ZC3H3: variants seen among roughly 807,000 people sequenced by gnomAD.
ZC3H3 encodes zinc finger CCCH-type containing 3.
ZC3H3 carries 36 observed loss-of-function variants against 77.3 expected under a neutral mutation model. The observed-to-expected ratio is 0.47, with a 90% confidence interval of 0.36 to 0.61. ZC3H3 has a LOEUF of 0.61. Among genes scored for constraint, ZC3H3 ranks in the 20% least tolerant of loss-of-function variants. The pLI, the probability that ZC3H3 is intolerant of heterozygous loss-of-function variation, is 0.00. For missense variants in ZC3H3, 1,331 were observed against 1,312.2 expected, an observed-to-expected ratio of 1.01 and a Z score of -0.22; for synonymous variants, 626 against 555.2, an observed-to-expected ratio of 1.13 and a Z score of -1.79.
chr8:143,494,880 C>T lies in ZC3H3; in HGVS notation c.1715+12866G>A, dbSNP rs181419538. Among the ~76,000 whole-genome samples the T allele has an allele frequency of 1.1e-4, 16 of 152,318 alleles. No homozygotes were observed. Among genetic ancestry groups the T allele is most frequent in the African/African-American group, 3.6e-4 (15 of 41,566 alleles). The stretch of plus-strand genomic sequence containing the variant: ...CACGGGAAGACCACCAGTGGCCTTA[C>T]GTTAGCCCGAGCAGGTACTCAACAT... On this transcript the variant is annotated intron_variant, in intron 4 of 11. Transcript: ENST00000262577. The surrounding 1 kb of genome is among the most constrained non-coding windows in gnomAD (Gnocchi z 5.3).
At chr8:143,513,094 G>A (rs1164765834) in intron 3 of ZC3H3, among the ~76,000 whole-genome samples, 5 of 152,058 alleles carry the variant, frequency 3.3e-5, no homozygotes, top group African/African-American at 1.2e-4. Flanking sequence ...AGAGCTGGGG[G>A]CACTGGGAGT....
chr8:143,471,241 C>T (rs886516586), intron 5 of ZC3H3, among the ~76,000 whole-genome samples: 2 of 152,266 alleles, frequency 1.3e-5, no homozygotes, highest in Non-Finnish European at 2.9e-5. Context: ...CCACCAGGCC[C>T]TCCAGGGCAC....
intron 4 of ZC3H3, chr8:143,484,859 G>C (rs1048004939): frequency 4.4e-6 from 2 of 455,270 alleles, no homozygotes; most frequent in African/African-American, 4.0e-5. Context: ...CAGCCCCTCC[G>C]AAGACCACAC....
rs182602076 is a variant in ZC3H3, at chr8:143,455,000, G to T, written c.2307+10717C>A. Among the ~76,000 whole-genome samples, 100 of 152,090 alleles carry T rather than the reference G, an allele frequency of 6.6e-4. 1 individual carries two copies. The highest frequency in any genetic ancestry group is 2.2e-3 in the African/African-American group (93 of 41,450). On this transcript the variant is annotated intron_variant, in intron 9 of 11. Coordinates refer to ENST00000262577, the MANE Select transcript of ZC3H3 (RefSeq NM_015117.3). Reference sequence around the variant, plus strand: ...GTAAAATGCTTCCTTTAGGTAAAAAGGTCAAAGTTCTCAACTTCAGAAAAA... The same window carrying T: ...GTAAAATGCTTCCTTTAGGTAAAAATGTCAAAGTTCTCAACTTCAGAAAAA...
rs1819678753 is a variant in ZC3H3 at position 143,439,788 on chromosome 8, G to A, written c.2815+253C>T. On this transcript the variant is annotated intron_variant, in intron 11 of 11. Transcript: ENST00000262577. ...GTGGTGGTCTGAGGGGGCATTTAAA[G>A]CTCCCCTGTGCCCGAGCCCGGCCAT... 1.3e-5 allele frequency among the ~76,000 whole-genome samples: 2 copies of A among 152,228 alleles called. 1 individual carries two copies. The highest frequency in any genetic ancestry group is 4.1e-4 in the South Asian group (2 of 4,836).
At chr8:143,474,051 T>C (rs905451773) in intron 5 of ZC3H3, among the ~76,000 whole-genome samples, 7 of 151,966 alleles carry the variant, frequency 4.6e-5, no homozygotes, top group African/African-American at 1.7e-4. Flanking sequence ...CACGGCAGCA[T>C]CCCCCAGGGG....
intron 4 of ZC3H3, among the ~76,000 whole-genome samples, chr8:143,495,114 A>C (rs924822030): frequency 6.6e-6 from 1 of 152,270 alleles, no homozygotes; most frequent in Admixed American, 6.5e-5. Flanking sequence ...ACAGGTGCAC[A>C]GAAAGAGCTG....
At chr8:143,453,597 T>C (rs1389502086) in intron 9 of ZC3H3, among the ~76,000 whole-genome samples, 1 of 152,106 alleles carries the variant, frequency 6.6e-6, no homozygotes, top group African/African-American at 2.4e-5. Context: ...TCACCAGCAG[T>C]CTTACCCTAA....
At chr8:143,500,057 A>T (rs567695444) in intron 4 of ZC3H3, among the ~76,000 whole-genome samples, 1 of 151,980 alleles carries the variant, frequency 6.6e-6, no homozygotes, top group East Asian at 1.9e-4. Context: ...AAACACTCCA[A>T]ACCCTTCGTG....
rs910960262 is a variant in ZC3H3, at chr8:143,469,842, T to A, written c.1904-1183A>T. Reference sequence around the variant, plus strand: ...GTTCCTCAAATACGCGCATGATCCTTCCCAGACCAGATCCAATTTCCTACA... The same window carrying A: ...GTTCCTCAAATACGCGCATGATCCTACCCAGACCAGATCCAATTTCCTACA... On this transcript the variant is annotated intron_variant, in intron 5 of 11. Coordinates refer to ENST00000262577, the MANE Select transcript of ZC3H3 (RefSeq NM_015117.3). Among the ~76,000 whole-genome samples, 3 of 152,314 alleles carry A rather than the reference T, an allele frequency of 2.0e-5. No individual in the cohort carries two copies. The East Asian group carries it at 5.8e-4, about 29-fold the overall frequency.
intron 9 of ZC3H3, among the ~76,000 whole-genome samples, chr8:143,455,755 T>C (rs576533562): frequency 6.6e-6 from 1 of 152,002 alleles, no homozygotes; most frequent in East Asian, 1.9e-4. Context: ...GGTGGATCAT[T>C]TGAGGTCAGG....
intron 4 of ZC3H3, among the ~76,000 whole-genome samples, chr8:143,482,288 C>T (rs1304879077): frequency 6.6e-6 from 1 of 152,248 alleles, no homozygotes; most frequent in Non-Finnish European, 1.5e-5. Context: ...TGTCACAGCA[C>T]TGGGGAGGCC....
chr8:143,449,493 G>A (rs898693377), intron 9 of ZC3H3, among the ~76,000 whole-genome samples: 6 of 152,126 alleles, frequency 3.9e-5, no homozygotes, highest in East Asian at 1.9e-4. Context: ...AGGCCAAAAC[G>A]GGTGGCTCAC....
In ZC3H3 at chr8:143,438,014, G is replaced by A; in HGVS notation, c.*42C>T. ...TGGACAGAGCCTCTTTCCTCTCCAA[G>A]GATGAGGGTCTGAGGTAGGTGCAGG... is the stretch of plus-strand genomic sequence containing the variant. On this transcript the variant is annotated 3_prime_UTR_variant, in exon 12 of 12. Transcript: ENST00000262577. 6.3e-7 allele frequency: 1 copy of A among 1,599,706 alleles called. No homozygotes were observed. Among genetic ancestry groups the A allele is most frequent in the Non-Finnish European group, 8.5e-7 (1 of 1,173,344 alleles).
In ZC3H3 at chr8:143,539,100, G is replaced by C; in HGVS notation, c.267C>G (p.Asp89Glu). ...RPPGPSDPPADHAVRPLHGAR... is the reference protein window; with the variant it reads ...RPPGPSDPPAEHAVRPLHGAR... ...CCCCGTGCAACGGCCGCACAGCATG[G>C]TCGGCAGGAGGGTCTGAGGGTCCCG... The change falls in exon 2 of 12, where the codon GAC becomes GAG. Residue 89 changes from aspartate to glutamate, a missense_variant. Physicochemically the swap from Asp to Glu is conservative, Grantham distance 45. Coordinates refer to ENST00000262577, the MANE Select transcript of ZC3H3 (RefSeq NM_015117.3). 6.2e-7 allele frequency: 1 copy of C among 1,612,898 alleles called. No homozygotes were observed. The highest frequency in any genetic ancestry group is 8.5e-7 in the Non-Finnish European group (1 of 1,179,980).
At chr8:143,539,390 G>C in intron 1 of ZC3H3, 70 bp from the exon 2 acceptor site, 1 of 1,412,260 alleles carries the variant, frequency 7.1e-7, no homozygotes, top group East Asian at 2.4e-5. Context: ...CCCTGGAAGG[G>C]CATCAGCTGG....
rs532119997 is a variant in ZC3H3 at position 143,495,152 on chromosome 8, A to G, written c.1715+12594T>C. Among the ~76,000 whole-genome samples, 5 of 152,372 alleles carry G rather than the reference A, an allele frequency of 3.3e-5. No homozygotes were observed. The East Asian group carries it at 7.7e-4, about 23-fold the overall frequency. On this transcript the variant is annotated intron_variant, in intron 4 of 11. Coordinates refer to ENST00000262577, the MANE Select transcript of ZC3H3 (RefSeq NM_015117.3). ...CAAGGACTCAGCAGGCTCTACTCAC[A>G]GTCACCCCAAACTGCAAGTGACTCA...
At position 143,441,104 on chromosome 8, in the gene ZC3H3, G is replaced by A. The variant is rs749300414; in HGVS notation, c.2324C>T (p.Thr775Met). 2.3e-5 allele frequency: 34 copies of A among 1,447,224 alleles called. No individual in the cohort carries two copies. The South Asian group carries it at 2.5e-4, about 10-fold the overall frequency. 89.6% of individuals were successfully genotyped at this position (1,447,224 alleles called of 1,614,324 possible). A position where few individuals can be genotyped will look rare whatever the true frequency, so the allele number is the denominator to read the frequency against. Residue 775 changes from threonine (T) to methionine (M), a missense_variant, in exon 10 of 12, where the codon ACG becomes ATG. This residue lies in a region of ZC3H3 where 104 missense variants were observed against 159.7 expected (regional missense o/e 0.65). Transcript: ENST00000262577. The stretch of plus-strand genomic sequence containing the variant: ...GCGGGCAAAGTCGGGGCACAGCAGC[G>A]TGTGTTTCTTCTTGCACTGCAGAGA... The part of the protein sequence containing the change: ...PLGAKCKKKH[T>M]LLCPDFARRG...
rs1048948110 is a variant in ZC3H3 at position 143,468,077 on chromosome 8, C to CT, written c.2175+131dup. The CT allele has an allele frequency of 2.4e-5, 28 of 1,150,736 alleles. No individual in the cohort carries two copies. In the African/African-American group the frequency reaches 3.7e-4, roughly 15 times the overall value. 71.3% of individuals were successfully genotyped at this position (1,150,736 alleles called of 1,614,324 possible). ...TGGGGTAGAGACGGTACAGCAGACT[C>CT]TAAGGACGCCAGGGCAGGGATCTGC... On this transcript the variant is annotated intron_variant, in intron 8 of 11. Transcript: ENST00000262577.
Sources: gnomAD v4.1 joint callset for allele counts (sites outside exome capture counted in the v4.1 genomes callset) on GRCh38, gnomAD v4.1.1 for gene constraint, gnomAD v4.1.1 regional missense constraint, Gnocchi (gnomAD v3.1) non-coding constraint, MANE v1.5 for transcripts, NCBI Gene and HGNC (gene_info 2026-07-23, HGNC 2026-07-21) for gene names.